The following QTGAL variants were observed in gnomAD, a reference collection of about 807,000 sequenced individuals.
QTGAL encodes BGnT-like protein 1.
the QTGAL span, among the ~76,000 whole-genome samples, chr17:83,034,187 G>A: frequency 2.0e-5 from 3 of 152,018 alleles, no homozygotes; most frequent in Non-Finnish European, 4.4e-5. Flanking sequence ...TGATCCATCT[G>A]CCTCGGCCTC....
the QTGAL span, chr17:82,947,109 T>C: frequency 2.7e-6 from 2 of 737,540 alleles, no homozygotes; most frequent in Non-Finnish European, 4.4e-6. Flanking sequence ...GCTCCTCTGC[T>C]AATAGCGGAG....
At chr17:82,960,107 G>A in the QTGAL span, among the ~76,000 whole-genome samples, 1 of 152,180 alleles carries the variant, frequency 6.6e-6, no homozygotes, top group East Asian at 1.9e-4. Context: ...GTGCCGGTGG[G>A]CATAAGGGAG....
At chr17:83,013,541 C>A in the QTGAL span, among the ~76,000 whole-genome samples, 3 of 150,112 alleles carry the variant, frequency 2.0e-5, no homozygotes, top group Non-Finnish European at 4.4e-5. Context: ...ACAGGGTGAA[C>A]TGTCACGAGC....
the QTGAL span, among the ~76,000 whole-genome samples, chr17:83,029,425 G>C: frequency 6.6e-6 from 1 of 152,158 alleles, no homozygotes; most frequent in Admixed American, 6.5e-5. Flanking sequence ...AGCAAGGGAT[G>C]ATGAGCGCGG....
the QTGAL span, among the ~76,000 whole-genome samples, chr17:82,970,639 CG>C: frequency 5.9e-4 from 32 of 54,416 alleles, 3 homozygotes; most frequent in East Asian, 8.5e-4. Flanking sequence ...CCGCGACCTC[CG>C]CACCCGGTGT....
chr17:83,005,861 T>A, the QTGAL span: 1 of 1,365,332 alleles, frequency 7.3e-7, no homozygotes, highest in Non-Finnish European at 9.5e-7. This position sits in a 1 kb window ranked among gnomAD's most constrained non-coding sequence, Gnocchi z 5.6. Flanking sequence ...CCCTCCGCCC[T>A]GCCCGGCCCC....
the QTGAL span, among the ~76,000 whole-genome samples, chr17:83,050,021 G>A: frequency 6.6e-6 from 1 of 152,158 alleles, no homozygotes; most frequent in Non-Finnish European, 1.5e-5. Flanking sequence ...ATTTAGTCAA[G>A]TTCTTTACAA....
the QTGAL span, among the ~76,000 whole-genome samples, chr17:82,953,082 C>T: frequency 2.0e-5 from 3 of 152,080 alleles, no homozygotes; most frequent in Non-Finnish European, 4.4e-5. Context: ...ATGCCCACAT[C>T]AGAAAGCAGG....
the QTGAL span, among the ~76,000 whole-genome samples, chr17:83,019,964 C>T: frequency 2.6e-5 from 4 of 152,122 alleles, no homozygotes; most frequent in East Asian, 5.8e-4. Flanking sequence ...AAACTCCTGA[C>T]CTTAGGTGAT....
the QTGAL span, among the ~76,000 whole-genome samples, chr17:82,970,884 T>C: frequency 6.6e-6 from 1 of 152,196 alleles, no homozygotes. Context: ...GGCAGCTGCC[T>C]TTGCGGGGGG....
At chr17:82,946,863 C>T in the QTGAL span, 163 of 1,516,246 alleles carry the variant, frequency 1.1e-4, no homozygotes, top group East Asian at 1.3e-3. Flanking sequence ...GATGGTTCTT[C>T]GGTGAAAAGA....
At chr17:83,048,633 T>G in the QTGAL span, 1 of 1,606,330 alleles carries the variant, frequency 6.2e-7, no homozygotes, top group Non-Finnish European at 8.5e-7. Flanking sequence ...TTGCTTACAC[T>G]GGGGCTGAGT....
At chr17:82,978,694 A>T in the QTGAL span, 1 of 152,188 alleles carries the variant, frequency 6.6e-6, no homozygotes, top group Non-Finnish European at 1.5e-5. This position sits in a 1 kb window ranked among gnomAD's most constrained non-coding sequence, Gnocchi z 4.8. Context: ...TTTTTTAAAA[A>T]ATCTGATTTT....
chr17:82,969,240 A>C, the QTGAL span, among the ~76,000 whole-genome samples: 1 of 150,660 alleles, frequency 6.6e-6, no homozygotes, highest in African/African-American at 2.4e-5. Flanking sequence ...GCTCACTGCA[A>C]CCTCTGCCTC....
the QTGAL span, among the ~76,000 whole-genome samples, chr17:83,001,616 A>G: frequency 6.6e-6 from 1 of 151,482 alleles, no homozygotes; most frequent in Non-Finnish European, 1.5e-5. Context: ...GGGGTGGGGG[A>G]CGGGAGCCCC....
At chr17:83,027,156 G>A in the QTGAL span, among the ~76,000 whole-genome samples, 1 of 148,768 alleles carries the variant, frequency 6.7e-6, no homozygotes, top group Non-Finnish European at 1.5e-5. Context: ...ACGGAGGGGG[G>A]CAGGGAGCCT....
chr17:82,954,852 G>A, the QTGAL span, among the ~76,000 whole-genome samples: 2 of 152,228 alleles, frequency 1.3e-5, no homozygotes, highest in East Asian at 3.9e-4. Context: ...TCTGATCTTC[G>A]ACAAACCTAA....
chr17:83,024,331 T>A, the QTGAL span, among the ~76,000 whole-genome samples: 2 of 152,206 alleles, frequency 1.3e-5, no homozygotes, highest in Admixed American at 6.5e-5. Flanking sequence ...ATCGACTCCC[T>A]CCTAGAGGTG....
At chr17:82,963,832 GC>G in the QTGAL span, among the ~76,000 whole-genome samples, 1 of 151,846 alleles carries the variant, frequency 6.6e-6, no homozygotes. Context: ...TGATTGTACA[GC>G]CCTATAAATT....
Sources: allele counts gnomAD v4.1 joint callset (sites outside exome capture counted in the v4.1 genomes callset), GRCh38; gene constraint gnomAD v4.1.1; non-coding constraint Gnocchi (gnomAD v3.1); transcripts MANE v1.5; gene names NCBI Gene and HGNC (gene_info 2026-07-23, HGNC 2026-07-21).